The following APBB1IP variants were observed in gnomAD, a reference collection of about 807,000 sequenced individuals.
The protein encoded by APBB1IP is amyloid beta precursor protein binding family B member 1 interacting protein, also known as amyloid beta A4 precursor protein-binding family B member 1-interacting protein.
In APBB1IP, 27 loss-of-function variants were observed where a neutral mutation model predicts 64.9. The observed-to-expected ratio is 0.42, with a 90% CI of 0.31 to 0.57. The LOEUF (loss-of-function observed/expected upper bound fraction) is 0.57, where lower values mean the gene tolerates loss of function less well. Among genes scored for constraint, APBB1IP ranks in the 20% least tolerant of loss-of-function variants. The probability of loss-of-function intolerance (pLI) is 0.20; values close to 1 mark genes in which losing one functional copy is unlikely to be tolerated. For missense variants in APBB1IP, 812 were observed against 845.5 expected (o/e 0.96, Z 0.49); for synonymous variants, 392 against 331.0 (o/e 1.18, Z -2.00).
At chr10:26,505,331 A>G (rs1461775646) in intron 6 of APBB1IP, among the ~76,000 whole-genome samples, 1 of 151,986 alleles carries the variant, frequency 6.6e-6, no homozygotes. Flanking sequence ...AACGTGCCCA[A>G]ATTTCCTTAC....
chr10:26,529,951 C>CA (rs1349009143), intron 8 of APBB1IP, among the ~76,000 whole-genome samples: 1 of 152,100 alleles, frequency 6.6e-6, no homozygotes, highest in African/African-American at 2.4e-5. Context: ...TTGGAGTCTT[C>CA]ATTATGCTCT....
chr10:26,451,560 G>T (rs1835466259), intron 2 of APBB1IP, among the ~76,000 whole-genome samples: 2 of 152,150 alleles, frequency 1.3e-5, no homozygotes, highest in African/African-American at 4.8e-5. Context: ...CACATCTGTG[G>T]CCAAATTCAG....
At chr10:26,522,320 C>T (rs1468490779) in intron 8 of APBB1IP, among the ~76,000 whole-genome samples, 1 of 152,208 alleles carries the variant, frequency 6.6e-6, no homozygotes, top group Non-Finnish European at 1.5e-5. Flanking sequence ...ACTATCAACA[C>T]CCTCCACCAG....
chr10:26,567,260 A>T lies in APBB1IP; in HGVS notation c.1773A>T (p.Ala591=). Residue 591 remains alanine, a synonymous_variant, in exon 15 of 15, where the codon GCA becomes GCT. Coordinates refer to ENST00000376236, the MANE Select transcript of APBB1IP (RefSeq NM_019043.4). ...TGCCCCCGCCCCCGCCGTCGTACGC[A>T]GGGATCGCGGGCTCAGAGCTGCCCC... ...DFVPPPPPSY[A]GIAGSELPPP... 3 of 1,275,574 alleles carry T rather than the reference A, an allele frequency of 2.4e-6. No individual in the cohort carries two copies. The highest frequency in any genetic ancestry group is 3.0e-6 in the Non-Finnish European group (3 of 1,007,854). The allele number at this position is 1,275,574 out of a possible 1,614,324, so 79.0% of individuals were successfully genotyped here.
In APBB1IP at chr10:26,541,579, C is replaced by T. The variant is rs780268605; in HGVS notation, c.1045-3C>T. On this transcript the variant is annotated splice_region_variant and splice_polypyrimidine_tract_variant and intron_variant, in intron 10 of 14. Transcript: ENST00000376236. ...AAGTTTTATTTTTTTCCCTGTCTTT[C>T]AGACATCTCGAGATCTGGCGTGTTT... is the stretch of plus-strand genomic sequence containing the variant. The T allele has an allele frequency of 5.0e-6, 8 of 1,599,366 alleles. 1 individual carries two copies. The South Asian group carries it at 9.0e-5, about 18-fold the overall frequency.
chr10:26,498,401 C>T (rs1588588017), intron 4 of APBB1IP, among the ~76,000 whole-genome samples: 3 of 151,866 alleles, frequency 2.0e-5, no homozygotes, highest in East Asian at 1.9e-4. Context: ...CTCAGCTACT[C>T]GGGAGGCTGA....
At chr10:26,557,496 G>A (rs977051023) in intron 11 of APBB1IP, among the ~76,000 whole-genome samples, 2 of 152,192 alleles carry the variant, frequency 1.3e-5, no homozygotes, top group African/African-American at 4.8e-5. Context: ...AGACCAAAGA[G>A]AGGAATTTTT....
chr10:26,511,987 T>C (rs1053831765), intron 7 of APBB1IP, 81 bp downstream of exon 7: 22 of 1,456,876 alleles, frequency 1.5e-5, no homozygotes, highest in Non-Finnish European at 2.1e-5. Context: ...TTATTCTTTT[T>C]TTCTCTTTAA....
chr10:26,555,337 T>C (rs953720783), intron 11 of APBB1IP, among the ~76,000 whole-genome samples: 3 of 152,198 alleles, frequency 2.0e-5, no homozygotes, highest in Admixed American at 6.5e-5. Context: ...ACCAGCTTAA[T>C]TTCTGCTTCT....
In APBB1IP at chr10:26,536,174, T is replaced by C; in HGVS notation, c.1001T>C (p.Leu334Ser). Reference sequence around the variant, plus strand: ...TCCTGGAAAAGGCGCTATTTTCTTTTACGGGCTTCTGGAATTTATTATGTA... The same window carrying C: ...TCCTGGAAAAGGCGCTATTTTCTTTCACGGGCTTCTGGAATTTATTATGTA... ...KKSWKRRYFL[L>S]RASGIYYVPK... is the part of the protein sequence containing the mutation. The change falls in exon 10 of 15, where the codon TTA becomes TCA. Residue 334 changes from leucine to serine, a missense_variant. Leu to Ser is a moderately radical substitution (Grantham distance 145). This residue lies in a region of APBB1IP where 394 missense variants were observed against 413.1 expected (regional missense o/e 0.95). Coordinates refer to ENST00000376236, the MANE Select transcript of APBB1IP (RefSeq NM_019043.4). The C allele has an allele frequency of 6.2e-7, 1 of 1,607,948 alleles. No homozygotes were observed. The highest frequency in any genetic ancestry group is 8.5e-7 in the Non-Finnish European group (1 of 1,178,030).
At chr10:26,456,397 A>G (rs1835525749) in intron 2 of APBB1IP, among the ~76,000 whole-genome samples, 1 of 152,144 alleles carries the variant, frequency 6.6e-6, no homozygotes, top group African/African-American at 2.4e-5. Context: ...AGAGAACAGG[A>G]TGGATGTCTG....
Position 26,458,941 on chromosome 10 carries a change from CTTTT to C in APBB1IP, c.-1+20089_-1+20092del, listed in dbSNP as rs561860397. Among the ~76,000 whole-genome samples, 380 of 151,272 alleles carry C rather than the reference CTTTT, an allele frequency of 2.5e-3. 1 individual carries two copies. Among genetic ancestry groups the C allele is most frequent in the African/African-American group, 8.5e-3 (348 of 41,094 alleles). On this transcript the variant is annotated intron_variant, in intron 2 of 14. Transcript: ENST00000376236. Reference sequence around the variant, plus strand: ...TACTGTGGTTATTTTCTTTTCTTTTCTTTTATTATTATTATACTTTGAGTTTTAG... The same window carrying C: ...TACTGTGGTTATTTTCTTTTCTTTTCATTATTATTATACTTTGAGTTTTAG...
At chr10:26,511,697 C>A in intron 6 of APBB1IP, 50 bp from the exon 7 acceptor site, 1 of 1,602,710 alleles carries the variant, frequency 6.2e-7, no homozygotes, top group Non-Finnish European at 8.5e-7. Context: ...ATCTTAGTAG[C>A]CTTCTCCAGT....
intron 2 of APBB1IP, among the ~76,000 whole-genome samples, chr10:26,467,600 G>T (rs1835663995): frequency 6.6e-6 from 1 of 152,182 alleles, no homozygotes; most frequent in Non-Finnish European, 1.5e-5. Flanking sequence ...GGTGGCTGAG[G>T]TGAGTGGATC....
chr10:26,534,687 C>T (rs1271379909), intron 9 of APBB1IP, among the ~76,000 whole-genome samples: 1 of 152,182 alleles, frequency 6.6e-6, no homozygotes, highest in African/African-American at 2.4e-5. Flanking sequence ...CTGCCACCCC[C>T]CAGATGCTGA....
At chr10:26,493,536 C>T (rs1835983415) in intron 3 of APBB1IP, among the ~76,000 whole-genome samples, 1 of 152,216 alleles carries the variant, frequency 6.6e-6, no homozygotes, top group African/African-American at 2.4e-5. Context: ...GCCATGGCTT[C>T]AGCCGGTCCC....
At chr10:26,493,577 C>A (rs1373879616) in intron 3 of APBB1IP, among the ~76,000 whole-genome samples, 1 of 152,180 alleles carries the variant, frequency 6.6e-6, no homozygotes, top group African/African-American at 2.4e-5. Context: ...TCCCGCAACA[C>A]CCTGAAGATT....
In APBB1IP at chr10:26,467,039, C is replaced by T. The variant is rs548040323; in HGVS notation, c.1-25288C>T. Among the ~76,000 whole-genome samples the T allele has an allele frequency of 1.2e-4, 18 of 151,728 alleles. No individual in the cohort carries two copies. In the East Asian group the frequency reaches 1.6e-3, roughly 13 times the overall value. Reference sequence around the variant, plus strand: ...ACACCAGATTTTTTTTCATTCTGTACCTCTAAATAATAAAAAGATGTGATC... The same window carrying T: ...ACACCAGATTTTTTTTCATTCTGTATCTCTAAATAATAAAAAGATGTGATC... On this transcript the variant is annotated intron_variant, in intron 2 of 14. Transcript: ENST00000376236.
intron 11 of APBB1IP, 95 bp downstream of exon 11, chr10:26,541,787 G>T: frequency 1.2e-6 from 1 of 843,352 alleles, no homozygotes; most frequent in African/African-American, 1.8e-5. Flanking sequence ...AGCCATATGT[G>T]TAACAATAAG....
Sources: allele counts gnomAD v4.1 joint callset (sites outside exome capture counted in the v4.1 genomes callset), GRCh38; gene constraint gnomAD v4.1.1; regional missense constraint gnomAD v4.1.1; transcripts MANE v1.5; gene names NCBI Gene and HGNC (gene_info 2026-07-23, HGNC 2026-07-21).